DUSP8: variants seen among roughly 807,000 people sequenced by gnomAD.
DUSP8 encodes the protein dual specificity phosphatase 8.
Under a neutral mutation model 38.7 loss-of-function variants are expected in DUSP8, and 15 were observed. That is an observed-to-expected ratio of 0.39 (90% CI 0.26 to 0.60). The LOEUF is 0.60. Among genes scored for constraint, DUSP8 ranks in the 20% least tolerant of loss-of-function variants. The probability of loss-of-function intolerance (pLI) is 0.56; values close to 1 mark genes in which losing one functional copy is unlikely to be tolerated. For missense variants in DUSP8, 768 were observed against 915.0 expected (o/e 0.84, Z 2.07); for synonymous variants, 458 against 433.9 (o/e 1.06, Z -0.69).
In DUSP8 at chr11:1,572,081, T is replaced by C. The variant is rs1468116914; in HGVS notation, c.-289A>G. ...CGCCAACGCCGCGGGGAGCGCTCGC[T>C]CGGGCCGGGGCGCGCGCACTGCGGG... On this transcript the variant is annotated 5_prime_UTR_variant, in exon 1 of 7. Transcript: ENST00000397374. This position sits in a 1 kb window ranked among gnomAD's most constrained non-coding sequence, Gnocchi z 4.7. 6.9e-6 allele frequency among the ~76,000 whole-genome samples: 1 copy of C among 144,232 alleles called. No homozygotes were observed. Among genetic ancestry groups the C allele is most frequent in the African/African-American group, 2.5e-5 (1 of 40,050 alleles). 94.6% of individuals were successfully genotyped at this position (144,232 alleles called of 152,430 possible). A position where few individuals can be genotyped will look rare whatever the true frequency, so the allele number is the denominator to read the frequency against.
chr11:1,560,431 GGAGT>G (rs1204277252), intron 3 of DUSP8, among the ~76,000 whole-genome samples: 9 of 152,166 alleles, frequency 5.9e-5, no homozygotes, highest in Non-Finnish European at 1.5e-5. Context: ...TGAGGACAGG[GGAGT>G]GTGTGCAAAC....
In DUSP8 at chr11:1,556,227, G is replaced by C. The variant is rs1365779238; in HGVS notation, c.*291C>G. ...GTCAGCAGTGTTTCCTGGGGCGGGG[G>C]AACTGGGAGGGGCCCCAGGCCTGGC... On this transcript the variant is annotated 3_prime_UTR_variant, in exon 7 of 7. Transcript: ENST00000397374. The surrounding 1 kb of genome is among the most constrained non-coding windows in gnomAD (Gnocchi z 5.2). 3.2e-6 allele frequency: 1 copy of C among 315,192 alleles called. No homozygotes were observed. The allele number at this position is 315,192 out of a possible 1,614,324, so 19.5% of individuals were successfully genotyped here. A position where few individuals can be genotyped will look rare whatever the true frequency, so the allele number is the denominator to read the frequency against.
At chr11:1,568,497 C>T (rs1312499458) in intron 1 of DUSP8, among the ~76,000 whole-genome samples, 1 of 152,148 alleles carries the variant, frequency 6.6e-6, no homozygotes, top group Non-Finnish European at 1.5e-5. Flanking sequence ...GAAGGGGATT[C>T]ATTAGCAAGT....
chr11:1,564,681 G>A (rs546228770), intron 2 of DUSP8, among the ~76,000 whole-genome samples: 108 of 152,362 alleles, frequency 7.1e-4, no homozygotes, highest in African/African-American at 2.5e-3. Context: ...CGCCAACCCT[G>A]GGCTGGGTGA....
In DUSP8 at chr11:1,554,614, C is replaced by G. The variant is rs938147435; in HGVS notation, c.*1904G>C. Reference sequence around the variant, plus strand: ...TGAGACAGACAGCCCCCCTCAACGGCCTGCAGAAGGGACAAGGGGAAGGGG... The same window carrying G: ...TGAGACAGACAGCCCCCCTCAACGGGCTGCAGAAGGGACAAGGGGAAGGGG... On this transcript the variant is annotated 3_prime_UTR_variant, in exon 7 of 7. Coordinates refer to ENST00000397374, the MANE Select transcript of DUSP8 (RefSeq NM_004420.3). 1.0e-6 allele frequency: 1 copy of G among 986,728 alleles called. No homozygotes were observed. The highest frequency in any genetic ancestry group is 6.1e-5 in the Admixed American group (1 of 16,278). The allele number at this position is 986,728 out of a possible 1,614,324, so 61.1% of individuals were successfully genotyped here. A position where few individuals can be genotyped will look rare whatever the true frequency, so the allele number is the denominator to read the frequency against.
At chr11:1,564,626 G>A (rs1223546414) in intron 2 of DUSP8, among the ~76,000 whole-genome samples, 17 of 152,180 alleles carry the variant, frequency 1.1e-4, no homozygotes, top group Admixed American at 1.1e-3. Context: ...CAGCACCGGT[G>A]CCCCCGCCCT....
At chr11:1,565,123 G>A (rs1052650064) in intron 2 of DUSP8, among the ~76,000 whole-genome samples, 1 of 152,188 alleles carries the variant, frequency 6.6e-6, no homozygotes, top group African/African-American at 2.4e-5. Context: ...ACGGGGACAT[G>A]GACTGCTCAC....
chr11:1,570,853 G>A (rs1848877997), intron 1 of DUSP8, among the ~76,000 whole-genome samples: 1 of 152,118 alleles, frequency 6.6e-6, no homozygotes, highest in South Asian at 2.1e-4. Context: ...GTGCCAGAAG[G>A]GAGGCAAGGG....
rs770396091 is a variant in DUSP8 at position 1,557,378 on chromosome 11, C to G, written c.1018G>C (p.Ala340Pro). ...CTGGCAGCCGCATTCCCTGTGGCAGCGCTCTCTGAGGTAGGTGGTGGCAGC... is the reference window on the plus strand; with the variant it reads ...CTGGCAGCCGCATTCCCTGTGGCAGGGCTCTCTGAGGTAGGTGGTGGCAGC... ...PRLPPPTSESAATGNAAAREG... is the reference protein window; with the variant it reads ...PRLPPPTSESPATGNAAAREG... Residue 340 changes from alanine to proline, a missense_variant, in exon 7 of 7, where the codon GCT becomes CCT. Ala to Pro is a conservative substitution (Grantham distance 27). Around this residue, in one of 3 missense-constraint regions of DUSP8, gnomAD observed 474 missense variants for 430.8 expected, o/e 1.10. Transcript: ENST00000397374. This position sits in a 1 kb window ranked among gnomAD's most constrained non-coding sequence, Gnocchi z 9.9. 6 of 1,569,266 alleles carry G rather than the reference C, an allele frequency of 3.8e-6. No homozygotes were observed. The highest frequency in any genetic ancestry group is 5.1e-6 in the Non-Finnish European group (6 of 1,169,008).
chr11:1,557,469 G>A lies in DUSP8; in HGVS notation c.927C>T (p.Asp309=). ...SLKLLAALQG[D]PGTPSGTPEP... Reference sequence around the variant, plus strand: ...CCGGCGTCCCTGAGGGGGTGCCCGGGTCGCCCTGCAGGGCGGCCAGCAGCT... The same window carrying A: ...CCGGCGTCCCTGAGGGGGTGCCCGGATCGCCCTGCAGGGCGGCCAGCAGCT... Residue 309 remains aspartate, a synonymous_variant, in exon 7 of 7, where the codon GAC becomes GAT. Coordinates refer to ENST00000397374, the MANE Select transcript of DUSP8 (RefSeq NM_004420.3). This position sits in a 1 kb window ranked among gnomAD's most constrained non-coding sequence, Gnocchi z 9.9. The A allele has an allele frequency of 1.3e-6, 2 of 1,564,774 alleles. No individual in the cohort carries two copies. Among genetic ancestry groups the A allele is most frequent in the East Asian group, 2.3e-5 (1 of 43,664 alleles).
rs1407834697 is a variant in DUSP8, at chr11:1,558,667, G to A, written c.537+222C>T. 2.0e-5 allele frequency among the ~76,000 whole-genome samples: 3 copies of A among 152,184 alleles called. No homozygotes were observed. The highest frequency in any genetic ancestry group is 1.3e-4 in the Admixed American group (2 of 15,302). On this transcript the variant is annotated intron_variant, in intron 4 of 6. Coordinates refer to ENST00000397374, the MANE Select transcript of DUSP8 (RefSeq NM_004420.3). The surrounding 1 kb of genome is among the most constrained non-coding windows in gnomAD (Gnocchi z 6.3). ...CATGCCAGCTCCCCGCTCCTCCCCC[G>A]AGCCCTGCCGGGCCCTCCCGCAAGC...
chr11:1,564,741 G>T (rs1447578752), intron 2 of DUSP8, among the ~76,000 whole-genome samples: 1 of 152,236 alleles, frequency 6.6e-6, no homozygotes, highest in African/African-American at 2.4e-5. Context: ...CCTTGCTGGG[G>T]GTCATTAATC....
rs757458616 is a variant in DUSP8, at chr11:1,565,729, C to T, written c.98G>A (p.Arg33His). Residue 33 changes from arginine to histidine, a missense_variant, in exon 2 of 7, where the codon CGC (arginine) becomes CAC (histidine). Arg to His is a conservative substitution (Grantham distance 29). Around this residue, in one of 3 missense-constraint regions of DUSP8, gnomAD observed 252 missense variants for 410.4 expected, o/e 0.61. Transcript: ENST00000397374. ...GPGGPLVIDS[R>H]SFVEYNSWHV... ...CCAGCTGTTGTACTCCACGAAGGAG[C>T]GGCTGTCGATGACCAGCGGCCCCCC... 3.1e-6 allele frequency: 5 copies of T among 1,611,828 alleles called. No individual in the cohort carries two copies. The highest frequency in any genetic ancestry group is 2.2e-5 in the East Asian group (1 of 44,872).
rs1224052868 is a variant in DUSP8, at chr11:1,572,082, C to T, written c.-290G>A. ...GCCAACGCCGCGGGGAGCGCTCGCT[C>T]GGGCCGGGGCGCGCGCACTGCGGGC... On this transcript the variant is annotated 5_prime_UTR_variant, in exon 1 of 7. Coordinates refer to ENST00000397374, the MANE Select transcript of DUSP8 (RefSeq NM_004420.3). The surrounding 1 kb of genome is among the most constrained non-coding windows in gnomAD (Gnocchi z 4.7). Among the ~76,000 whole-genome samples the T allele has an allele frequency of 1.4e-5, 2 of 145,212 alleles. No homozygotes were observed. The highest frequency in any genetic ancestry group is 4.9e-5 in the African/African-American group (2 of 40,530).
rs761481787 is a variant in DUSP8 at position 1,565,675 on chromosome 11, C to T, written c.152G>A (p.Cys51Tyr). 1 of 1,611,888 alleles carries T rather than the reference C, an allele frequency of 6.2e-7. No homozygotes were observed. Among genetic ancestry groups the T allele is most frequent in the South Asian group, 1.1e-5 (1 of 91,050 alleles). The part of the protein sequence containing the change: ...WHVLSSVNIC[C>Y]SKLVKRRLQQ... ...CAGCCGCCGCTTCACCAGCTTGGAG[C>T]AGCAGATGTTGACGGAGCTGAGCAC... Residue 51 changes from cysteine to tyrosine, a missense_variant, in exon 2 of 7, where the codon TGC becomes TAC. Transcript: ENST00000397374.
In DUSP8 at chr11:1,557,953, A is replaced by C; in HGVS notation, c.698-36T>G. On this transcript the variant is annotated intron_variant, in intron 5 of 6. Transcript: ENST00000397374. The surrounding 1 kb of genome is among the most constrained non-coding windows in gnomAD (Gnocchi z 9.9). ...GGGCCATGGGGGCCAGGTGAGGGCT[A>C]AGACTGCACAGCTTCTCCCTGGCCC... 2 of 1,613,250 alleles carry C rather than the reference A, an allele frequency of 1.2e-6. 1 individual carries two copies. The highest frequency in any genetic ancestry group is 2.2e-5 in the South Asian group (2 of 91,066).
In DUSP8 at chr11:1,554,531, C is replaced by T. The variant is rs770068825; in HGVS notation, c.*1987G>A. On this transcript the variant is annotated 3_prime_UTR_variant, in exon 7 of 7. Transcript: ENST00000397374. ...GTGGCCAACACAGGACCTTCGCCCC[C>T]CTGCTGGCTGCTCACTTTGCGGTAA... is the stretch of plus-strand genomic sequence containing the variant. 5.2e-6 allele frequency: 3 copies of T among 579,498 alleles called. No individual in the cohort carries two copies. Among genetic ancestry groups the T allele is most frequent in the East Asian group, 1.4e-4 (1 of 7,000 alleles). 35.9% of individuals were successfully genotyped at this position (579,498 alleles called of 1,614,324 possible). A position where few individuals can be genotyped will look rare whatever the true frequency, so the allele number is the denominator to read the frequency against.
rs1848907734 is a variant in DUSP8 at position 1,571,965 on chromosome 11, C to T, written c.-173G>A. The T allele has an allele frequency of 6.9e-6, 1 of 145,682 alleles. No individual in the cohort carries two copies. The highest frequency in any genetic ancestry group is 6.8e-5 in the Admixed American group (1 of 14,670). 9.0% of individuals were successfully genotyped at this position (145,682 alleles called of 1,614,324 possible). ...GCCGCGCTCAGGGCGCCCGCTCGGCCGCGCCGTCCATGGGCCCGGCGGGGG... is the reference window on the plus strand; with the variant it reads ...GCCGCGCTCAGGGCGCCCGCTCGGCTGCGCCGTCCATGGGCCCGGCGGGGG... On this transcript the variant is annotated 5_prime_UTR_variant, in exon 1 of 7. Coordinates refer to ENST00000397374, the MANE Select transcript of DUSP8 (RefSeq NM_004420.3).
chr11:1,565,310 C>A (rs576476104), intron 2 of DUSP8, among the ~76,000 whole-genome samples: 1 of 152,152 alleles, frequency 6.6e-6, no homozygotes, highest in East Asian at 1.9e-4. Flanking sequence ...GTCCTATCTG[C>A]GTGGGGAGGG....
Sources: allele counts gnomAD v4.1 joint callset (sites outside exome capture counted in the v4.1 genomes callset), GRCh38; gene constraint gnomAD v4.1.1; regional missense constraint gnomAD v4.1.1; non-coding constraint Gnocchi (gnomAD v3.1); transcripts MANE v1.5; gene names NCBI Gene and HGNC (gene_info 2026-07-23, HGNC 2026-07-21).